The following MASP2 variants were observed in gnomAD, a reference collection of about 807,000 sequenced individuals.
MASP2 encodes the protein mannan-binding lectin serine protease 2.
MASP2 carries 49 observed loss-of-function variants against 57.1 expected under a neutral mutation model. The ratio of observed to expected loss-of-function variants is 0.86; its 90% CI spans 0.68 to 1.09. MASP2 has a LOEUF of 1.09. Ranked by LOEUF, MASP2 falls within the 50% of genes least tolerant of loss-of-function variation. MASP2 has a pLI of 0.00. For synonymous variants in MASP2, 379 were observed against 340.8 expected (o/e 1.11, Z -1.24); for missense variants, 900 against 874.8 (o/e 1.03, Z -0.36).
chr1:11,033,277 A>G (rs7555662), intron 8 of MASP2, among the ~76,000 whole-genome samples: 125,954 of 151,542 alleles, frequency 0.83, 52,410 homozygotes, highest in East Asian at 0.86. Flanking sequence ...GCGGTGAGCC[A>G]AGATCACGCC....
intron 10 of MASP2, 100 bp downstream of exon 10, chr1:11,030,076 G>T: frequency 1.2e-6 from 1 of 804,978 alleles, no homozygotes; most frequent in Non-Finnish European, 2.0e-6. Context: ...AAGTGCTGAA[G>T]TTACATTTCT....
Position 11,046,932 on chromosome 1 carries a change from C to T in MASP2, c.193G>A (p.Asp65Asn), listed in dbSNP as rs372294851. 38 of 1,572,232 alleles carry T rather than the reference C, an allele frequency of 2.4e-5. No homozygotes were observed. The highest frequency in any genetic ancestry group is 4.7e-5 in the East Asian group (2 of 42,808). ...TCGCAGAGGTGGGAGAGCTCCAGGT[C>T]GAAGTGGGTGAAGTAGAGGCGCAGG... ...YRLRLYFTHF[D>N]LELSHLCEYD... Residue 65 changes from aspartate (D) to asparagine (N), a missense_variant, in exon 2 of 11, where the codon GAC (aspartate) becomes AAC (asparagine). Physicochemically the swap from Asp to Asn is conservative, Grantham distance 23. Coordinates refer to ENST00000400897, the MANE Select transcript of MASP2 (RefSeq NM_006610.4).
intron 3 of MASP2, 102 bp from the exon 4 acceptor site, chr1:11,045,641 G>A: frequency 7.4e-7 from 1 of 1,348,610 alleles, no homozygotes; most frequent in East Asian, 2.5e-5. Flanking sequence ...GGACCTCAGA[G>A]GAGGCCTCGT....
intron 4 of MASP2, chr1:11,044,928 C>G: frequency 6.2e-7 from 1 of 1,607,436 alleles, no homozygotes; most frequent in African/African-American, 1.3e-5. Context: ...CAGGCCGGAG[C>G]TCCAGGGGAG....
chr1:11,044,761 T>TTCCCC, intron 4 of MASP2: 6 of 1,313,606 alleles, frequency 4.6e-6, no homozygotes, highest in African/African-American at 1.5e-5. Flanking sequence ...CCCCGCCGCC[T>TTCCCC]CCCGACCCTC....
rs780106983 is a variant in MASP2 at position 11,027,166 on chromosome 1, C to G, written c.1780G>C (p.Asp594His). The change falls in exon 11 of 11, where the codon GAC becomes CAC. Residue 594 changes from aspartate to histidine, a missense_variant. Transcript: ENST00000400897. ...TATGCAGCAGTACATTTTTGATGGT[C>G]AACAATCGGTATGTCGACATACATT... ...NLMYVDIPIV[D>H]HQKCTAAYEK... is the part of the protein sequence containing the mutation. The G allele has an allele frequency of 3.7e-5, 60 of 1,613,922 alleles. No homozygotes were observed. The highest frequency in any genetic ancestry group is 5.0e-5 in the Non-Finnish European group (59 of 1,180,026).
At position 11,047,129 on chromosome 1, in the gene MASP2, G is replaced by C; in HGVS notation, c.6-10C>G. 6.5e-7 allele frequency: 1 copy of C among 1,548,844 alleles called. No individual in the cohort carries two copies. Among genetic ancestry groups the C allele is most frequent in the Non-Finnish European group, 8.7e-7 (1 of 1,146,052 alleles). ...CAGGAGGGTCAGCAGCCTATGGGCA[G>C]GGCAGGGGCGGTGAGGGCCCAGGCC... is the stretch of plus-strand genomic sequence containing the variant. On this transcript the variant is annotated splice_polypyrimidine_tract_variant and intron_variant, in intron 1 of 10. Transcript: ENST00000400897.
chr1:11,030,874 A>C lies in MASP2; in HGVS notation c.1096T>G (p.Cys366Gly), dbSNP rs779042797. ...CTGGGTAGATCATCAGGAGGGCCAC[A>C]GTCAACAACTAAGAAAGAAGCATGG... ...RPMPACSIVDCGPPDDLPSGR... is the reference protein window; with the variant it reads ...RPMPACSIVDGGPPDDLPSGR... Residue 366 changes from cysteine to glycine, a missense_variant, in exon 9 of 11, where the codon TGT becomes GGT. Transcript: ENST00000400897. The C allele has an allele frequency of 6.2e-7, 1 of 1,611,978 alleles. No individual in the cohort carries two copies. The highest frequency in any genetic ancestry group is 1.1e-5 in the South Asian group (1 of 90,810).
At chr1:11,045,097 T>C (rs1638585912) in intron 4 of MASP2, 7 of 841,846 alleles carry the variant, frequency 8.3e-6, no homozygotes, top group Non-Finnish European at 1.4e-5. Context: ...GGGAACCAGG[T>C]CCCAAGGAAC....
chr1:11,043,174 A>G, intron 5 of MASP2, 152 bp from the exon 6 acceptor site: 1 of 989,866 alleles, frequency 1.0e-6, no homozygotes, highest in Non-Finnish European at 1.5e-6. Flanking sequence ...TGCCTCCCAC[A>G]CTTGTACTCG....
At chr1:11,029,634 C>CTTTTTTTTTTTTTTTT (rs551910712) in intron 10 of MASP2, 1 of 80,958 alleles carries the variant, frequency 1.2e-5, no homozygotes, top group Non-Finnish European at 2.2e-5. Context: ...TTTTTAAAAT[C>CTTTTTTTTTTTTTTTT]TTTTTTTTTT....
chr1:11,042,476 G>T (rs1371187620), intron 6 of MASP2, among the ~76,000 whole-genome samples: 1 of 151,208 alleles, frequency 6.6e-6, no homozygotes, highest in Non-Finnish European at 1.5e-5. Context: ...AAGGATGGCT[G>T]AATAGAAGGA....
chr1:11,035,004 C>T lies in MASP2; in HGVS notation c.1009-98G>A, dbSNP rs780754218. ...CAGCAGTTCCTATTCTAGTGTTTTA[C>T]GAGGTGCTCCTGAAGGGGGTGGCAG... On this transcript the variant is annotated intron_variant, in intron 7 of 10. Transcript: ENST00000400897. 1.6e-4 allele frequency: 124 copies of T among 790,216 alleles called. 1 individual carries two copies. Among genetic ancestry groups the T allele is most frequent in the Non-Finnish European group, 2.3e-4 (113 of 498,324 alleles). 49.0% of individuals were successfully genotyped at this position (790,216 alleles called of 1,614,324 possible).
At chr1:11,030,328 A>C (rs1643822844) in intron 9 of MASP2, 78 bp from the exon 10 acceptor site, 1 of 996,170 alleles carries the variant, frequency 1.0e-6, no homozygotes, top group Non-Finnish European at 1.6e-6. Context: ...CCCCCTTGAA[A>C]AATGTTGATT....
At chr1:11,041,116 T>TAAATGGAA (rs1638415091) in intron 6 of MASP2, among the ~76,000 whole-genome samples, 1 of 146,832 alleles carries the variant, frequency 6.8e-6, no homozygotes, top group African/African-American at 2.6e-5. Flanking sequence ...GATGGATGGA[T>TAAATGGAA]GGATGGATGG....
rs1462140765 is a variant in MASP2 at position 11,026,919 on chromosome 1, A to G, written c.2027T>C (p.Ile676Thr). 2 of 1,502,750 alleles carry G rather than the reference A, an allele frequency of 1.3e-6. No individual in the cohort carries two copies. Among genetic ancestry groups the G allele is most frequent in the African/African-American group, 1.4e-5 (1 of 71,204 alleles). The allele number at this position is 1,502,750 out of a possible 1,614,324, so 93.1% of individuals were successfully genotyped here. A position where few individuals can be genotyped will look rare whatever the true frequency, so the allele number is the denominator to read the frequency against. The change falls in exon 11 of 11, where the codon ATT becomes ACT. Residue 676 changes from isoleucine to threonine, a missense_variant. Physicochemically the swap from Ile to Thr is moderately conservative, Grantham distance 89 (BLOSUM62 -1). Coordinates refer to ENST00000400897, the MANE Select transcript of MASP2 (RefSeq NM_006610.4). The part of the protein sequence containing the change: ...YGVYTKVINY[I>T]PWIENIISDF ...ACTAATTATGTTCTCGATCCAGGGA[A>G]TATAGTTAATAACTTTTGTGTAGAC...
At chr1:11,041,768 G>GGATGGATT (rs1419369925) in intron 6 of MASP2, among the ~76,000 whole-genome samples, 53 of 147,978 alleles carry the variant, frequency 3.6e-4, no homozygotes, top group East Asian at 6.2e-4. Flanking sequence ...ATGGATGGAA[G>GGATGGATT]AATGGGTGGA....
At position 11,026,562 on chromosome 1, in the gene MASP2, C is replaced by T. The variant is rs1474793015; in HGVS notation, c.*323G>A. ...TTTAAAAACAAAGAGCATGGACAGG[C>T]AGTTTACAGAAATGCCAACAGCCAG... On this transcript the variant is annotated 3_prime_UTR_variant, in exon 11 of 11. Coordinates refer to ENST00000400897, the MANE Select transcript of MASP2 (RefSeq NM_006610.4). The T allele has an allele frequency of 1.0e-5, 2 of 199,620 alleles. No homozygotes were observed. The highest frequency in any genetic ancestry group is 2.0e-5 in the Non-Finnish European group (2 of 100,314). 12.4% of individuals were successfully genotyped at this position (199,620 alleles called of 1,614,324 possible). A position where few individuals can be genotyped will look rare whatever the true frequency, so the allele number is the denominator to read the frequency against.
intron 8 of MASP2, 128 bp downstream of exon 8, chr1:11,034,700 G>GAA (rs70977538): frequency 0.14 from 66,635 of 483,556 alleles, 1,028 homozygotes; most frequent in African/African-American, 0.23. Context: ...CCCTGTCTCA[G>GAA]AAAAAAAAAA....
Sources: gnomAD v4.1 joint callset for allele counts (sites outside exome capture counted in the v4.1 genomes callset) on GRCh38, gnomAD v4.1.1 for gene constraint, MANE v1.5 for transcripts, NCBI Gene and HGNC (gene_info 2026-07-23, HGNC 2026-07-21) for gene names.